The following TBL1XR1 variants were observed in gnomAD, a reference collection of about 807,000 sequenced individuals.
TBL1XR1 encodes F-box-like/WD repeat-containing protein TBL1XR1.
A neutral mutation model predicts 66.9 loss-of-function variants in TBL1XR1; 5 were observed. The observed-to-expected ratio is 0.07, with a 90% CI of 0.04 to 0.16. The LOEUF (loss-of-function observed/expected upper bound fraction) is 0.16, where lower values mean the gene tolerates loss of function less well. Among genes scored for constraint, TBL1XR1 ranks in the 10% least tolerant of loss-of-function variants. The probability of loss-of-function intolerance (pLI) is 1.00; values close to 1 mark genes in which losing one functional copy is unlikely to be tolerated. For missense variants in TBL1XR1, 238 were observed against 623.2 expected (o/e 0.38, Z 6.58); for synonymous variants, 210 against 206.0 (o/e 1.02, Z -0.17).
At chr3:177,122,295 A>T (rs1018266959) in intron 1 of TBL1XR1, among the ~76,000 whole-genome samples, 1 of 151,980 alleles carries the variant, frequency 6.6e-6, no homozygotes, top group African/African-American at 2.4e-5. Flanking sequence ...AGATAAAAAA[A>T]AAAAAAAACA....
chr3:177,196,927 G>A (rs966442918), intron 1 of TBL1XR1, among the ~76,000 whole-genome samples, 194 bp downstream of exon 1: 3 of 151,836 alleles, frequency 2.0e-5, no homozygotes, highest in African/African-American at 7.3e-5. Context: ...ACGGGGGGAT[G>A]GGGGCGCCCC....
chr3:177,082,593 G>GT (rs914539244), intron 2 of TBL1XR1, among the ~76,000 whole-genome samples: 4 of 150,886 alleles, frequency 2.7e-5, no homozygotes, highest in African/African-American at 7.3e-5. Context: ...ACAGTTATGC[G>GT]TAACACTAGA....
chr3:177,160,344 G>C (rs376908477), intron 1 of TBL1XR1, among the ~76,000 whole-genome samples: 11 of 152,048 alleles, frequency 7.2e-5, no homozygotes, highest in African/African-American at 2.7e-4. Flanking sequence ...CGTGGTGACA[G>C]GCGCCTGTAG....
chr3:177,117,648 C>T (rs542884942), intron 1 of TBL1XR1, among the ~76,000 whole-genome samples: 1 of 152,220 alleles, frequency 6.6e-6, no homozygotes, highest in East Asian at 1.9e-4. Flanking sequence ...TTTTCTAGTG[C>T]AGTAATGAAA....
At chr3:177,063,235 A>G (rs1357440743) in intron 3 of TBL1XR1, among the ~76,000 whole-genome samples, 1 of 152,180 alleles carries the variant, frequency 6.6e-6, no homozygotes, top group Non-Finnish European at 1.5e-5. Flanking sequence ...AGTAACATCA[A>G]GTATCAATTT....
At chr3:177,133,028 C>T (rs1728484043) in intron 1 of TBL1XR1, among the ~76,000 whole-genome samples, 1 of 152,228 alleles carries the variant, frequency 6.6e-6, no homozygotes, top group South Asian at 2.1e-4. Context: ...GTGGCTCACG[C>T]CTGGAATCCC....
At chr3:177,112,179 C>A (rs1725738244) in intron 1 of TBL1XR1, among the ~76,000 whole-genome samples, 1 of 141,034 alleles carries the variant, frequency 7.1e-6, no homozygotes, top group Admixed American at 7.5e-5. Context: ...ACCACCTCGG[C>A]TCACTAAAAC....
Position 177,120,127 on chromosome 3 carries a change from T to A in TBL1XR1, c.-121-21586A>T, listed in dbSNP as rs372452797. On this transcript the variant is annotated intron_variant, in intron 1 of 15. Transcript: ENST00000457928. ...GCACAGAATTGATAACCTTAACTTC[T>A]CATTACTTTCCAACATGCACTCCTC... Among the ~76,000 whole-genome samples the A allele has an allele frequency of 6.6e-5, 10 of 152,146 alleles. No individual in the cohort carries two copies. In the East Asian group the frequency reaches 1.9e-3, roughly 29 times the overall value.
intron 2 of TBL1XR1, among the ~76,000 whole-genome samples, chr3:177,072,020 A>C (rs555887558): frequency 1.3e-5 from 2 of 152,322 alleles, no homozygotes; most frequent in South Asian, 4.1e-4. Flanking sequence ...TACCGTGTAC[A>C]TTCCTTATAT....
At chr3:177,109,857 G>A (rs1468454157) in intron 1 of TBL1XR1, among the ~76,000 whole-genome samples, 1 of 152,098 alleles carries the variant, frequency 6.6e-6, no homozygotes. Flanking sequence ...TTTCAATTGA[G>A]AGACAGCAAG....
chr3:177,199,666 C>T (rs983278735), upstream of TBL1XR1, among the ~76,000 whole-genome samples: 8 of 151,978 alleles, frequency 5.3e-5, no homozygotes, highest in Non-Finnish European at 1.2e-4. Flanking sequence ...TGACTTCTAT[C>T]CCTTATTCCA....
chr3:177,133,491 ACAGTCATACATAT>A (rs1728546860), intron 1 of TBL1XR1, among the ~76,000 whole-genome samples: 4 of 152,214 alleles, frequency 2.6e-5, no homozygotes, highest in Admixed American at 2.0e-4. Context: ...GGCATGATTA[ACAGTCATACATAT>A]CTTCTCTCTG....
At chr3:177,099,094 C>T (rs950085445) in intron 1 of TBL1XR1, among the ~76,000 whole-genome samples, 15 of 152,118 alleles carry the variant, frequency 9.9e-5, no homozygotes, top group Non-Finnish European at 1.9e-4. Flanking sequence ...CAGCCAGGCG[C>T]GGTGGCTCAC....
chr3:177,100,351 T>G (rs1338026445), intron 1 of TBL1XR1, among the ~76,000 whole-genome samples: 2 of 152,246 alleles, frequency 1.3e-5, no homozygotes, highest in Non-Finnish European at 2.9e-5. Context: ...AATGATAGTT[T>G]TACATCATTA....
chr3:177,064,501 T>A (rs1718911570), intron 3 of TBL1XR1, among the ~76,000 whole-genome samples: 1 of 152,202 alleles, frequency 6.6e-6, no homozygotes, highest in Non-Finnish European at 1.5e-5. Flanking sequence ...TTAATTCAAA[T>A]AATAATTTTG....
chr3:177,089,837 G>A lies in TBL1XR1; in HGVS notation c.-46+8629C>T, dbSNP rs145418475. On this transcript the variant is annotated intron_variant, in intron 2 of 15. Transcript: ENST00000457928. ...GTTCAAAGAAAAAGATATGCAAACA[G>A]TTCTAAAATAAACTAGCAAACAGTT... Among the ~76,000 whole-genome samples the A allele has an allele frequency of 4.9e-4, 74 of 152,244 alleles. No homozygotes were observed. In the Middle Eastern group the frequency reaches 0.014, roughly 28 times the overall value.
chr3:177,053,427 T>C (rs1352400520), intron 4 of TBL1XR1, among the ~76,000 whole-genome samples: 1 of 152,196 alleles, frequency 6.6e-6, no homozygotes, highest in Admixed American at 6.5e-5. Flanking sequence ...AATTACAAAC[T>C]GGTTTAAATT....
At chr3:177,131,412 T>A in intron 1 of TBL1XR1, 1 of 984,886 alleles carries the variant, frequency 1.0e-6, no homozygotes, top group Non-Finnish European at 1.2e-6. Context: ...CAATACTGCA[T>A]AAAGTGCCTG....
chr3:177,051,992 T>G (rs1488977837), intron 4 of TBL1XR1, among the ~76,000 whole-genome samples: 2 of 152,154 alleles, frequency 1.3e-5, no homozygotes, highest in Non-Finnish European at 2.9e-5. Context: ...AAAGAGATAA[T>G]AAGATGTAGG....
Sources: allele counts gnomAD v4.1 joint callset (sites outside exome capture counted in the v4.1 genomes callset), GRCh38; gene constraint gnomAD v4.1.1; transcripts MANE v1.5; gene names NCBI Gene and HGNC (gene_info 2026-07-23, HGNC 2026-07-21).